The following GALNT17 variants were observed in gnomAD, a reference collection of about 807,000 sequenced individuals.
GALNT17 encodes the protein UDP-GalNAc:polypeptide N-acetylgalactosaminyltransferase-like 3.
A neutral mutation model predicts 63.7 loss-of-function variants in GALNT17; 29 were observed. That is an observed-to-expected ratio of 0.46 (90% confidence interval 0.34 to 0.62). The LOEUF (loss-of-function observed/expected upper bound fraction) is 0.62. GALNT17 is among the 20% of genes least tolerant of loss of function. GALNT17 has a pLI of 0.01. For missense variants in GALNT17, 603 were observed against 799.6 expected, an observed-to-expected ratio of 0.75 and a Z score of 2.97; for synonymous variants, 305 against 318.3, an observed-to-expected ratio of 0.96 and a Z score of 0.45.
At chr7:71,525,701 A>T in intron 5 of GALNT17, among the ~76,000 whole-genome samples, 2 of 138,336 alleles carry the variant, frequency 1.4e-5, no homozygotes, top group Middle Eastern at 4.1e-3. Context: ...TTTTTAATAA[A>T]TTACTGAAAT....
chr7:71,282,183 G>A (rs59023456), intron 1 of GALNT17, among the ~76,000 whole-genome samples: 5,422 of 152,252 alleles, frequency 0.036, 337 homozygotes, highest in African/African-American at 0.12. Context: ...TTTTGTGAAC[G>A]AAAAAGCTCA....
intron 5 of GALNT17, among the ~76,000 whole-genome samples, chr7:71,569,783 A>G (rs1361241463): frequency 6.6e-6 from 1 of 152,080 alleles, no homozygotes; most frequent in African/African-American, 2.4e-5. Flanking sequence ...TCTACAATTG[A>G]TGAGCACATG....
chr7:71,568,038 C>A lies in GALNT17; in HGVS notation c.963-3247C>A, dbSNP rs1442077976. 2.0e-5 allele frequency among the ~76,000 whole-genome samples: 3 copies of A among 152,210 alleles called. No individual in the cohort carries two copies. In the East Asian group the frequency reaches 5.8e-4, roughly 29 times the overall value. ...CACCCTTTGGCTCCAAAGAATTCCA[C>A]CTAATAGCTTCCTGGTGGCCCCAGT... On this transcript the variant is annotated intron_variant, in intron 5 of 10. Transcript: ENST00000333538.
intron 1 of GALNT17, among the ~76,000 whole-genome samples, chr7:71,319,011 A>G (rs1254374082): frequency 6.6e-6 from 1 of 152,102 alleles, no homozygotes; most frequent in Non-Finnish European, 1.5e-5. Context: ...AGGGTGAAGT[A>G]GGCCCAGGGA....
At chr7:71,700,018 A>T (rs1361859570) in intron 9 of GALNT17, among the ~76,000 whole-genome samples, 2 of 152,004 alleles carry the variant, frequency 1.3e-5, no homozygotes, top group Non-Finnish European at 2.9e-5. Flanking sequence ...TTGGCCAGGC[A>T]CAGTGGCTCA....
chr7:71,358,868 G>A (rs1385079685), intron 2 of GALNT17, among the ~76,000 whole-genome samples: 1 of 151,830 alleles, frequency 6.6e-6, no homozygotes, highest in Non-Finnish European at 1.5e-5. Context: ...CTGTGTCCTG[G>A]GTTCAAGTGA....
At chr7:71,301,724 T>G (rs990396225) in intron 1 of GALNT17, among the ~76,000 whole-genome samples, 45 of 147,582 alleles carry the variant, frequency 3.0e-4, no homozygotes, top group Admixed American at 2.2e-3. Context: ...AGAGGATAGA[T>G]CTTGTGTGAA....
At chr7:71,265,746 C>A (rs530627258) in intron 1 of GALNT17, among the ~76,000 whole-genome samples, 1 of 151,988 alleles carries the variant, frequency 6.6e-6, no homozygotes, top group Non-Finnish European at 1.5e-5. Flanking sequence ...TGGGTGGAGG[C>A]GTGGTGGGAG....
chr7:71,621,526 G>A (rs1270780773), intron 6 of GALNT17, among the ~76,000 whole-genome samples: 2 of 105,506 alleles, frequency 1.9e-5, no homozygotes, highest in African/African-American at 7.3e-5. Context: ...TGGATGGATG[G>A]ATGGATGGAT....
chr7:71,340,584 T>A (rs1363658226), intron 2 of GALNT17, among the ~76,000 whole-genome samples: 1 of 152,178 alleles, frequency 6.6e-6, no homozygotes, highest in Admixed American at 6.5e-5. Context: ...GCAGGATCAC[T>A]AGACATCTCA....
At chr7:71,616,526 T>C (rs1790206232) in intron 6 of GALNT17, among the ~76,000 whole-genome samples, 1 of 147,026 alleles carries the variant, frequency 6.8e-6, no homozygotes, top group African/African-American at 2.5e-5. Context: ...TGTTAATACA[T>C]TATATGTAAT....
At chr7:71,197,165 A>G (rs1450452519) in intron 1 of GALNT17, among the ~76,000 whole-genome samples, 2 of 138,998 alleles carry the variant, frequency 1.4e-5, no homozygotes, top group Admixed American at 1.4e-4. Flanking sequence ...CAACAATTAC[A>G]TTATTGATTA....
intron 1 of GALNT17, among the ~76,000 whole-genome samples, chr7:71,245,848 G>GTTTTT (rs542136452): frequency 9.0e-5 from 11 of 122,896 alleles, no homozygotes; most frequent in African/African-American, 3.2e-4. Flanking sequence ...AAGAGAGCAG[G>GTTTTT]TTTTTTTTTT....
intron 6 of GALNT17, among the ~76,000 whole-genome samples, chr7:71,603,712 C>G (rs192024440): frequency 5.4e-5 from 8 of 148,496 alleles, no homozygotes; most frequent in Non-Finnish European, 8.9e-5. Context: ...TGCTGGATAC[C>G]ATGCTAAGTG....
At chr7:71,402,187 A>G (rs1291092124) in intron 3 of GALNT17, among the ~76,000 whole-genome samples, 2 of 152,236 alleles carry the variant, frequency 1.3e-5, no homozygotes, top group East Asian at 3.9e-4. Context: ...ACAATATCAT[A>G]AAGGGTACTG....
chr7:71,448,679 A>C (rs1194265941), intron 5 of GALNT17, among the ~76,000 whole-genome samples: 1 of 152,188 alleles, frequency 6.6e-6, no homozygotes, highest in East Asian at 1.9e-4. Context: ...TGAAAACAAA[A>C]GGCATGTATA....
chr7:71,288,726 A>G (rs559390090), intron 1 of GALNT17, among the ~76,000 whole-genome samples: 71 of 152,140 alleles, frequency 4.7e-4, no homozygotes, highest in Middle Eastern at 3.4e-3. Context: ...GTTCATCTGG[A>G]AATCCAGAGG....
intron 1 of GALNT17, among the ~76,000 whole-genome samples, chr7:71,163,279 T>C (rs558925686): frequency 2.4e-4 from 36 of 152,298 alleles, no homozygotes; most frequent in African/African-American, 7.9e-4. Context: ...CTGATGCTTA[T>C]TAAACAACCA....
At chr7:71,264,703 A>G (rs1371156942) in intron 1 of GALNT17, among the ~76,000 whole-genome samples, 1 of 152,116 alleles carries the variant, frequency 6.6e-6, no homozygotes, top group Non-Finnish European at 1.5e-5. Context: ...GGAGGTCACT[A>G]TGTTAAGTGA....
Sources: gnomAD v4.1 joint callset for allele counts (sites outside exome capture counted in the v4.1 genomes callset) on GRCh38, gnomAD v4.1.1 for gene constraint, MANE v1.5 for transcripts, NCBI Gene and HGNC (gene_info 2026-07-23, HGNC 2026-07-21) for gene names.